Variants in MOSMO observed in about 807,000 individuals in gnomAD.
MOSMO encodes the protein modulator of smoothened, also known as modulator of smoothened protein.
MOSMO carries 5 observed loss-of-function variants against 18.4 expected under a neutral mutation model. The observed-to-expected ratio is 0.27, with a 90% confidence interval of 0.14 to 0.57. The LOEUF is 0.57. Among genes scored for constraint, MOSMO ranks in the 20% least tolerant of loss-of-function variants. The pLI is 0.92. For synonymous variants in MOSMO, 82 were observed against 82.3 expected, an observed-to-expected ratio of 1.00 and a Z score of 0.02; for missense variants, 138 against 211.8, an observed-to-expected ratio of 0.65 and a Z score of 2.16.
chr16:22,047,932 G>A (rs1234943998), intron 1 of MOSMO, among the ~76,000 whole-genome samples: 1 of 152,236 alleles, frequency 6.6e-6, no homozygotes, highest in Non-Finnish European at 1.5e-5. Flanking sequence ...AGTACTACCA[G>A]TTGGTTAGAA....
intron 1 of MOSMO, among the ~76,000 whole-genome samples, chr16:22,059,484 T>C (rs1158063928): frequency 6.6e-6 from 1 of 152,204 alleles, no homozygotes; most frequent in East Asian, 1.9e-4. Context: ...CTCACACTGC[T>C]ATAAAGAAAT....
intron 1 of MOSMO, among the ~76,000 whole-genome samples, chr16:22,052,127 A>G (rs1295824316): frequency 6.6e-6 from 1 of 152,168 alleles, no homozygotes; most frequent in Non-Finnish European, 1.5e-5. Flanking sequence ...TTTCGTAACG[A>G]TAAATTAGGC....
intron 1 of MOSMO, among the ~76,000 whole-genome samples, chr16:22,074,115 C>G (rs1372353389): frequency 6.6e-6 from 1 of 152,206 alleles, no homozygotes; most frequent in Non-Finnish European, 1.5e-5. Context: ...GCCACACGTG[C>G]ACGTGCACAC....
chr16:22,010,831 G>A (rs1899510187), intron 1 of MOSMO, among the ~76,000 whole-genome samples: 1 of 151,776 alleles, frequency 6.6e-6, no homozygotes, highest in Admixed American at 6.6e-5. Flanking sequence ...TGAGGCAAGA[G>A]AATTGCTTGA....
intron 1 of MOSMO, among the ~76,000 whole-genome samples, chr16:22,013,969 G>A (rs1314930614): frequency 6.6e-6 from 1 of 151,900 alleles, no homozygotes; most frequent in African/African-American, 2.4e-5. Context: ...GGTATTTAGG[G>A]GCTAAAATAT....
At chr16:22,034,544 G>A (rs545984162) in intron 1 of MOSMO, among the ~76,000 whole-genome samples, 33 of 151,984 alleles carry the variant, frequency 2.2e-4, no homozygotes, top group African/African-American at 7.7e-4. Context: ...CTCCTTGCTC[G>A]TGTGATTCCT....
At chr16:22,058,539 G>C (rs1179840588) in intron 1 of MOSMO, among the ~76,000 whole-genome samples, 1 of 152,146 alleles carries the variant, frequency 6.6e-6, no homozygotes, top group East Asian at 1.9e-4. Flanking sequence ...TGGGATGTTG[G>C]ACATGTAGAC....
At chr16:22,085,337 G>C (rs1354414248), downstream of MOSMO, 1 of 152,162 alleles carries the variant, frequency 6.6e-6, no homozygotes, top group Non-Finnish European at 1.5e-5. Context: ...GAGACTTGAA[G>C]TACTATGTCT....
chr16:22,089,739 G>A (rs1901259372), downstream of MOSMO, among the ~76,000 whole-genome samples: 1 of 151,088 alleles, frequency 6.6e-6, no homozygotes, highest in African/African-American at 2.4e-5. Context: ...CTTGGGGAAT[G>A]ACAAACTTTG....
At chr16:22,051,346 C>T (rs762829528) in intron 1 of MOSMO, among the ~76,000 whole-genome samples, 1 of 151,654 alleles carries the variant, frequency 6.6e-6, no homozygotes, top group Admixed American at 6.6e-5. Context: ...CAAGATGGTG[C>T]CTGCACTCCA....
intron 1 of MOSMO, among the ~76,000 whole-genome samples, chr16:22,022,021 G>C (rs984578748): frequency 6.6e-6 from 1 of 152,122 alleles, no homozygotes; most frequent in Non-Finnish European, 1.5e-5. Flanking sequence ...GGTAACTGCT[G>C]TTATTGTGGT....
rs1023511902 is a variant in MOSMO, at chr16:22,081,289, A to G, written c.*409A>G. The G allele has an allele frequency of 6.6e-6, 1 of 152,198 alleles. No individual in the cohort carries two copies. Among genetic ancestry groups the G allele is most frequent in the Non-Finnish European group, 1.5e-5 (1 of 68,174 alleles). 9.4% of individuals were successfully genotyped at this position (152,198 alleles called of 1,614,324 possible). ...AAAAAAGTCTAAGTATTTATGTGTC[A>G]TGGTGGACCAGAGGGATGCAAGAGA... On this transcript the variant is annotated 3_prime_UTR_variant, in exon 3 of 3. Transcript: ENST00000542527.
At position 22,084,244 on chromosome 16, in the gene MOSMO, A is replaced by G. The variant is rs1332865777; in HGVS notation, c.*3364A>G. Reference sequence around the variant, plus strand: ...AACATGTTGCATTTATTTTGTCTTTATTAAAAGACTACTAGCCACAAGTTA... The same window carrying G: ...AACATGTTGCATTTATTTTGTCTTTGTTAAAAGACTACTAGCCACAAGTTA... On this transcript the variant is annotated 3_prime_UTR_variant, in exon 3 of 3. Transcript: ENST00000542527. 2 of 152,392 alleles carry G rather than the reference A, an allele frequency of 1.3e-5. No homozygotes were observed. The highest frequency in any genetic ancestry group is 6.5e-5 in the Admixed American group (1 of 15,286). 9.4% of individuals were successfully genotyped at this position (152,392 alleles called of 1,614,324 possible). A position where few individuals can be genotyped will look rare whatever the true frequency, so the allele number is the denominator to read the frequency against.
chr16:22,065,651 T>A (rs1900735340), intron 1 of MOSMO, among the ~76,000 whole-genome samples: 1 of 152,358 alleles, frequency 6.6e-6, no homozygotes, highest in Admixed American at 6.5e-5. Flanking sequence ...TTTCTTTTCC[T>A]GAAAACTATT....
intron 1 of MOSMO, among the ~76,000 whole-genome samples, chr16:22,023,639 T>A (rs1899809226): frequency 1.3e-5 from 2 of 152,052 alleles, no homozygotes; most frequent in Non-Finnish European, 2.9e-5. Flanking sequence ...GAGCCTCTTG[T>A]GGCAAATCTC....
intron 1 of MOSMO, among the ~76,000 whole-genome samples, chr16:22,033,838 A>G (rs1033839079): frequency 6.6e-5 from 10 of 152,078 alleles, no homozygotes; most frequent in African/African-American, 2.2e-4. Flanking sequence ...AAATAAAATA[A>G]AAAACATGCT....
At chr16:22,058,913 G>C (rs1900590444) in intron 1 of MOSMO, among the ~76,000 whole-genome samples, 2 of 152,290 alleles carry the variant, frequency 1.3e-5, no homozygotes, top group South Asian at 4.2e-4. Flanking sequence ...AATATGGAGT[G>C]AGAAGAAAAG....
intron 1 of MOSMO, among the ~76,000 whole-genome samples, chr16:22,054,599 T>C (rs1479697804): frequency 1.3e-5 from 2 of 152,234 alleles, no homozygotes; most frequent in South Asian, 2.1e-4. Flanking sequence ...TAACATCTTT[T>C]TGAGGAAAAA....
At chr16:22,025,233 A>G (rs905743068) in intron 1 of MOSMO, among the ~76,000 whole-genome samples, 2 of 152,132 alleles carry the variant, frequency 1.3e-5, no homozygotes, top group African/African-American at 2.4e-5. Context: ...TGTTTCATGT[A>G]TATAAAACAC....
Sources: gnomAD v4.1 joint callset for allele counts (sites outside exome capture counted in the v4.1 genomes callset) on GRCh38, gnomAD v4.1.1 for gene constraint, MANE v1.5 for transcripts, NCBI Gene and HGNC (gene_info 2026-07-23, HGNC 2026-07-21) for gene names.